The following PACRG variants were observed in gnomAD, a reference collection of about 807,000 sequenced individuals.
The protein encoded by PACRG is parkin coregulated gene protein.
PACRG carries 29 observed loss-of-function variants against 29.7 expected under a neutral mutation model. That is an observed-to-expected ratio of 0.98 (90% CI 0.73 to 1.33). PACRG has a LOEUF of 1.33. Ranked by LOEUF, PACRG falls within the 40% of genes most tolerant of loss-of-function variation. PACRG has a pLI of 0.00. For synonymous variants in PACRG, 116 were observed against 118.7 expected (o/e 0.98, Z 0.15); for missense variants, 279 against 316.2 (o/e 0.88, Z 0.89).
At chr6:162,768,432 A>G (rs1175884415) in intron 1 of PACRG, among the ~76,000 whole-genome samples, 4 of 151,644 alleles carry the variant, frequency 2.6e-5, no homozygotes, top group South Asian at 2.1e-4. Context: ...CTTGGCATTG[A>G]TTTCACTTAT....
intron 4 of PACRG, among the ~76,000 whole-genome samples, chr6:163,118,426 T>C (rs1311495923): frequency 6.6e-6 from 1 of 152,190 alleles, no homozygotes; most frequent in African/African-American, 2.4e-5. Flanking sequence ...CCCCATTCTT[T>C]AAGGTGTGAT....
chr6:162,979,955 T>A (rs1038843275), intron 2 of PACRG, among the ~76,000 whole-genome samples: 1 of 151,860 alleles, frequency 6.6e-6, no homozygotes, highest in African/African-American at 2.4e-5. Context: ...AGAAAAAAAA[T>A]GAAACTTAGA....
intron 3 of PACRG, among the ~76,000 whole-genome samples, chr6:163,086,570 G>A (rs1003878956): frequency 1.3e-5 from 2 of 152,068 alleles, no homozygotes; most frequent in African/African-American, 4.8e-5. Flanking sequence ...GTCTGGACTG[G>A]ACCAGAAGTT....
chr6:162,794,697 C>T (rs1458175384), intron 1 of PACRG, among the ~76,000 whole-genome samples: 3 of 152,106 alleles, frequency 2.0e-5, no homozygotes, highest in Non-Finnish European at 2.9e-5. Context: ...AACTACCTTC[C>T]CCATTCATCA....
intron 4 of PACRG, among the ~76,000 whole-genome samples, chr6:163,092,058 T>G (rs1391916074): frequency 6.6e-6 from 1 of 152,200 alleles, no homozygotes; most frequent in East Asian, 1.9e-4. Flanking sequence ...TTCAAAAATA[T>G]TTCTTTCAAG....
chr6:163,081,879 T>C lies in PACRG; in HGVS notation c.464-7380T>C, dbSNP rs560233917. ...AAACTAACATGCCTGCTCTCAGCAC[T>C]ATAATGCTATATTTTCTTTTAGAAA... On this transcript the variant is annotated intron_variant, in intron 3 of 4. Coordinates refer to ENST00000366888, the MANE Select transcript of PACRG (RefSeq NM_001080379.2). 1.6e-4 allele frequency among the ~76,000 whole-genome samples: 25 copies of C among 152,344 alleles called. 1 individual carries two copies. The South Asian group carries it at 5.2e-3, about 32-fold the overall frequency.
intron 2 of PACRG, among the ~76,000 whole-genome samples, chr6:163,011,212 C>T (rs765227260): frequency 2.6e-5 from 4 of 152,134 alleles, no homozygotes; most frequent in Admixed American, 2.6e-4. Context: ...GACTGGGATA[C>T]CCTCTAAGAA....
intron 2 of PACRG, among the ~76,000 whole-genome samples, chr6:162,948,214 A>G (rs1194961175): frequency 6.6e-6 from 1 of 152,158 alleles, no homozygotes; most frequent in African/African-American, 2.4e-5. Flanking sequence ...CCAGTGGAAC[A>G]GAATAGAGAA....
chr6:163,244,834 C>A, intron 4 of PACRG: 1 of 257,932 alleles, frequency 3.9e-6, no homozygotes, highest in Non-Finnish European at 7.8e-6. Context: ...GATTTTTAAC[C>A]TTGGCAAACA....
rs60531297 is a variant in PACRG, at chr6:162,980,428, T to C, written c.292-81722T>C. Among the ~76,000 whole-genome samples, 1,081 of 152,268 alleles carry C rather than the reference T, an allele frequency of 7.1e-3. 16 individuals carry two copies. Among genetic ancestry groups the C allele is most frequent in the African/African-American group, 0.024 (1,018 of 41,552 alleles). ...GCCATATATTAAGAAAAAATGTTAA[T>C]TAGGTGCTACCATGATGTTTTTCTA... On this transcript the variant is annotated intron_variant, in intron 2 of 4. Transcript: ENST00000366888.
intron 2 of PACRG, among the ~76,000 whole-genome samples, chr6:162,989,776 T>C (rs548661316): frequency 1.3e-5 from 2 of 151,008 alleles, no homozygotes; most frequent in Non-Finnish European, 3.0e-5. Flanking sequence ...TTAGGGTACA[T>C]GTGCACATTG....
chr6:163,151,592 A>C (rs1778095310), intron 4 of PACRG, among the ~76,000 whole-genome samples: 1 of 152,230 alleles, frequency 6.6e-6, no homozygotes, highest in South Asian at 2.1e-4. Flanking sequence ...CCTCGATAGG[A>C]AAATGTGCAA....
At chr6:163,128,191 A>G (rs1451253515) in intron 4 of PACRG, among the ~76,000 whole-genome samples, 1 of 152,236 alleles carries the variant, frequency 6.6e-6, no homozygotes, top group Non-Finnish European at 1.5e-5. Context: ...CAGGATATTA[A>G]TCTAGGCTTT....
chr6:162,941,175 A>G (rs62427535), intron 2 of PACRG, among the ~76,000 whole-genome samples: 15,253 of 152,064 alleles, frequency 0.1, 1,009 homozygotes, highest in East Asian at 0.26. Context: ...GAGAAACTCA[A>G]GCCCTCATCC....
chr6:162,885,817 G>A (rs1006176914), intron 2 of PACRG, among the ~76,000 whole-genome samples: 7 of 152,022 alleles, frequency 4.6e-5, no homozygotes, highest in Non-Finnish European at 8.8e-5. Context: ...ATTACTGTTT[G>A]CTGAATCATT....
intron 2 of PACRG, among the ~76,000 whole-genome samples, chr6:162,855,180 C>T (rs571246996): frequency 1.3e-5 from 2 of 152,166 alleles, no homozygotes; most frequent in Admixed American, 1.3e-4. Flanking sequence ...GAGATAATGC[C>T]CAGCGCTGAC....
chr6:162,806,202 G>A (rs1359484465), intron 1 of PACRG, among the ~76,000 whole-genome samples: 4 of 151,318 alleles, frequency 2.6e-5, no homozygotes, highest in South Asian at 4.2e-4. Context: ...TCTGCCTCCC[G>A]GGTTCAAGCG....
chr6:162,892,861 G>A (rs1477850359), intron 2 of PACRG, among the ~76,000 whole-genome samples: 1 of 149,536 alleles, frequency 6.7e-6, no homozygotes, highest in Non-Finnish European at 1.5e-5. Context: ...CCAGTGGAGG[G>A]AGAAGAACCA....
intron 4 of PACRG, among the ~76,000 whole-genome samples, chr6:163,226,937 G>T (rs1277059935): frequency 6.6e-6 from 1 of 152,204 alleles, no homozygotes; most frequent in African/African-American, 2.4e-5. Flanking sequence ...AGTGTGATGA[G>T]TAGGATTTCA....
Sources: gnomAD v4.1 joint callset for allele counts (sites outside exome capture counted in the v4.1 genomes callset) on GRCh38, gnomAD v4.1.1 for gene constraint, MANE v1.5 for transcripts, NCBI Gene and HGNC (gene_info 2026-07-23, HGNC 2026-07-21) for gene names.